Variants in DHRS12 observed in about 807,000 individuals in gnomAD.
DHRS12 encodes the protein dehydrogenase/reductase SDR family member 12.
A neutral mutation model predicts 32.1 loss-of-function variants in DHRS12; 29 were observed. The observed-to-expected ratio is 0.90, with a 90% CI of 0.67 to 1.23. DHRS12 has a LOEUF of 1.23. DHRS12 is among the 50% of genes most tolerant of loss of function. The probability of loss-of-function intolerance (pLI) is 0.00; values close to 1 mark genes in which losing one functional copy is unlikely to be tolerated. For missense variants in DHRS12, 330 were observed against 337.2 expected, an observed-to-expected ratio of 0.98 and a Z score of 0.17; for synonymous variants, 150 against 135.9, an observed-to-expected ratio of 1.10 and a Z score of -0.72.
At chr13:51,764,100 A>G (rs752383545), downstream of DHRS12, 1 of 152,228 alleles carries the variant, frequency 6.6e-6, no homozygotes, top group Non-Finnish European at 1.5e-5. Context: ...ACTTGATTGG[A>G]AAACACAGAA....
At chr13:51,799,936 G>C (rs757299510) in intron 1 of DHRS12, among the ~76,000 whole-genome samples, 5 of 152,042 alleles carry the variant, frequency 3.3e-5, no homozygotes, top group African/African-American at 1.2e-4. Flanking sequence ...TGACTGCCCC[G>C]ATCCTGGGGA....
downstream of DHRS12, chr13:51,765,175 A>G (rs1350741911): frequency 6.6e-6 from 1 of 152,262 alleles, no homozygotes; most frequent in Non-Finnish European, 1.5e-5. Context: ...TGTCTTTGCT[A>G]TCACATCATT....
chr13:51,759,891 G>A, the DHRS12 span: 5 of 1,122,460 alleles, frequency 4.5e-6, no homozygotes, highest in Non-Finnish European at 6.5e-6. Flanking sequence ...GACCCTGAAT[G>A]AATTTGCAGA....
intron 4 of DHRS12, among the ~76,000 whole-genome samples, chr13:51,779,372 C>G (rs1383707021): frequency 6.6e-6 from 1 of 152,156 alleles, no homozygotes; most frequent in African/African-American, 2.4e-5. Context: ...ATAACAACAA[C>G]AAACAAAGCA....
chr13:51,759,970 C>T, the DHRS12 span: 2 of 528,806 alleles, frequency 3.8e-6, no homozygotes, highest in Non-Finnish European at 3.4e-6. Flanking sequence ...CTTGTTCATA[C>T]AATATAAAAG....
chr13:51,779,208 G>A (rs898252383), intron 4 of DHRS12, among the ~76,000 whole-genome samples: 12 of 152,094 alleles, frequency 7.9e-5, no homozygotes, highest in Non-Finnish European at 1.0e-4. Flanking sequence ...TCATTAACAC[G>A]TGAGCCAACA....
intron 6 of DHRS12, 53 bp from the exon 7 acceptor site, chr13:51,771,964 G>A: frequency 1.3e-6 from 2 of 1,573,748 alleles, no homozygotes; most frequent in Non-Finnish European, 1.7e-6. Context: ...GCCATTAGGT[G>A]CAAGGGCAGG....
intron 1 of DHRS12, chr13:51,803,669 G>A (rs1955857381): frequency 5.9e-6 from 1 of 170,040 alleles, no homozygotes; most frequent in African/African-American, 2.4e-5. Context: ...TAGCGATTTA[G>A]ATCCAGCCCT....
At chr13:51,758,173 C>G in the DHRS12 span, 1 of 1,532,720 alleles carries the variant, frequency 6.5e-7, no homozygotes, top group Non-Finnish European at 8.9e-7. Context: ...CCCTCAGAAG[C>G]TTTCTTTGCT....
At chr13:51,755,794 T>C in the DHRS12 span, among the ~76,000 whole-genome samples, 5 of 152,180 alleles carry the variant, frequency 3.3e-5, no homozygotes, top group Non-Finnish European at 7.4e-5. Context: ...TCTCTCTCCT[T>C]ATTTTACTTT....
rs573102376 is a variant in DHRS12, at chr13:51,797,755, A to G, written c.126+1779T>C. 4.2e-6 allele frequency: 6 copies of G among 1,443,242 alleles called. No homozygotes were observed. In the South Asian group the frequency reaches 7.4e-5, roughly 18 times the overall value. The allele number at this position is 1,443,242 out of a possible 1,614,324, so 89.4% of individuals were successfully genotyped here. A position where few individuals can be genotyped will look rare whatever the true frequency, so the allele number is the denominator to read the frequency against. On this transcript the variant is annotated intron_variant, in intron 2 of 8. Transcript: ENST00000444610. Reference sequence around the variant, plus strand: ...CCTCTTCAACCCAGGGAAAGCGGGTAGGAGTCCAGCCTCCTCACAGCTGAC... The same window carrying G: ...CCTCTTCAACCCAGGGAAAGCGGGTGGGAGTCCAGCCTCCTCACAGCTGAC...
At position 51,776,149 on chromosome 13, in the gene DHRS12, CCTACATGTATT is replaced by C. The variant is rs200400347; in HGVS notation, c.363+900_363+910del. On this transcript the variant is annotated intron_variant, in intron 5 of 8. Transcript: ENST00000444610. The stretch of plus-strand genomic sequence containing the variant: ...TACAGTATTCTCCTACATGTATTCT[CCTACATGTATT>C]CTACAGTATTCTCCTACATGTACTC... 1.7e-4 allele frequency: 17 copies of C among 102,774 alleles called. 1 individual carries two copies. Among genetic ancestry groups the C allele is most frequent in the African/African-American group, 3.8e-4 (8 of 21,012 alleles). 6.4% of individuals were successfully genotyped at this position (102,774 alleles called of 1,614,324 possible). A position where few individuals can be genotyped will look rare whatever the true frequency, so the allele number is the denominator to read the frequency against.
intron 4 of DHRS12, among the ~76,000 whole-genome samples, chr13:51,788,652 C>T (rs1955109804): frequency 6.6e-6 from 1 of 151,868 alleles, no homozygotes; most frequent in African/African-American, 2.4e-5. Flanking sequence ...TGAGACTAGC[C>T]TGGGCAACAT....
chr13:51,778,437 A>G (rs1459365171), intron 4 of DHRS12, among the ~76,000 whole-genome samples: 2 of 152,100 alleles, frequency 1.3e-5, no homozygotes, highest in Non-Finnish European at 2.9e-5. Context: ...AGTCTCCTGA[A>G]CCCTGGGTCG....
At chr13:51,789,535 T>A in intron 4 of DHRS12, 2 of 985,410 alleles carry the variant, frequency 2.0e-6, no homozygotes, top group Non-Finnish European at 2.4e-6. Flanking sequence ...GAACCCCACT[T>A]GGAGAGCCAC....
intron 4 of DHRS12, among the ~76,000 whole-genome samples, chr13:51,780,474 C>T (rs899259114): frequency 1.8e-4 from 27 of 152,132 alleles, no homozygotes; most frequent in Non-Finnish European, 2.6e-4. Flanking sequence ...AGTCCTGCTC[C>T]CAGTAACAAG....
At chr13:51,756,449 A>G in the DHRS12 span, 16 of 1,613,814 alleles carry the variant, frequency 9.9e-6, no homozygotes, top group East Asian at 2.2e-5. Flanking sequence ...CCACGAGGCC[A>G]TCACAGATGA....
At chr13:51,785,846 C>T (rs1954930535) in intron 4 of DHRS12, among the ~76,000 whole-genome samples, 1 of 152,188 alleles carries the variant, frequency 6.6e-6, no homozygotes, top group Non-Finnish European at 1.5e-5. Context: ...ATTTTGTTGT[C>T]CTTTGTTTAG....
chr13:51,758,979 C>T, the DHRS12 span, among the ~76,000 whole-genome samples: 14 of 152,268 alleles, frequency 9.2e-5, no homozygotes, highest in Admixed American at 5.2e-4. Context: ...CCCAGGAGTT[C>T]AAGACCAGCC....
Sources: allele counts gnomAD v4.1 joint callset (sites outside exome capture counted in the v4.1 genomes callset), GRCh38; gene constraint gnomAD v4.1.1; transcripts MANE v1.5; gene names NCBI Gene and HGNC (gene_info 2026-07-23, HGNC 2026-07-21).